Variants in PHLPP2 observed in about 807,000 individuals in gnomAD.
PHLPP2 encodes PH domain and leucine rich repeat protein phosphatase 2.
Under a neutral mutation model 124.9 loss-of-function variants are expected in PHLPP2, and 66 were observed. The ratio of observed to expected loss-of-function variants is 0.53; its 90% CI spans 0.43 to 0.65. PHLPP2 has a LOEUF of 0.65. Ranked by LOEUF, PHLPP2 falls within the 30% of genes least tolerant of loss-of-function variation. PHLPP2 has a pLI of 0.00. For missense variants in PHLPP2, 1,685 were observed against 1,600.4 expected, an observed-to-expected ratio of 1.05 and a Z score of -0.90; for synonymous variants, 681 against 624.7, an observed-to-expected ratio of 1.09 and a Z score of -1.34.
rs1352716187 is a variant in PHLPP2 at position 71,649,269 on chromosome 16, G to A, written c.3593C>T (p.Ala1198Val). The change falls in exon 19 of 19, where the codon GCT becomes GTT. Residue 1198 changes from alanine to valine, a missense_variant. Ala to Val is a moderately conservative substitution (Grantham distance 64). Transcript: ENST00000568954. The stretch of plus-strand genomic sequence containing the variant: ...TCGGATCCCAAAACACGACCCTCTA[G>A]CATGTTCCTCAGAACACAGGGTAGG... Reference protein sequence around the residue: ...SSPTLCSEEHARGSCFGIRRQ... With the variant: ...SSPTLCSEEHVRGSCFGIRRQ... 3 of 1,613,942 alleles carry A rather than the reference G, an allele frequency of 1.9e-6. No individual in the cohort carries two copies. The highest frequency in any genetic ancestry group is 3.3e-5 in the Admixed American group (2 of 60,010).
Position 71,658,328 on chromosome 16 carries a change from G to A in PHLPP2, c.2184C>T (p.Ile728=), listed in dbSNP as rs1567613349. ...TAGCAGGCAAAGCCTCTGGAATCAGGATTTCTGTCAAGTCGTTGCAACTTA... is the reference window on the plus strand; with the variant it reads ...TAGCAGGCAAAGCCTCTGGAATCAGAATTTCTGTCAAGTCGTTGCAACTTA... ...VDLSCNDLTE[I]LIPEALPATL... Residue 728 remains isoleucine (I), a synonymous_variant, in exon 15 of 19, where the codon ATC becomes ATT. Transcript: ENST00000568954. 6.2e-7 allele frequency: 1 copy of A among 1,613,778 alleles called. No homozygotes were observed. The highest frequency in any genetic ancestry group is 1.7e-5 in the Admixed American group (1 of 59,976).
intron 3 of PHLPP2, among the ~76,000 whole-genome samples, chr16:71,701,529 G>A (rs1056748803): frequency 1.3e-5 from 2 of 152,082 alleles, no homozygotes; most frequent in Non-Finnish European, 2.9e-5. Flanking sequence ...AGACTCTACT[G>A]GAAATATCCT....
At chr16:71,696,270 G>C (rs904991910) in intron 3 of PHLPP2, among the ~76,000 whole-genome samples, 39 of 152,050 alleles carry the variant, frequency 2.6e-4, no homozygotes, top group African/African-American at 9.4e-4. Context: ...AGGGAAATAA[G>C]TACTCTCAAA....
chr16:71,669,932 G>C (rs1045435043), intron 10 of PHLPP2, among the ~76,000 whole-genome samples: 1 of 152,110 alleles, frequency 6.6e-6, no homozygotes, highest in Admixed American at 6.5e-5. Flanking sequence ...TAGGCCTCAA[G>C]GTATCTACAG....
chr16:71,652,904 G>A lies in PHLPP2; in HGVS notation c.2703C>T (p.Cys901=), dbSNP rs202097941. Residue 901 remains cysteine, a synonymous_variant, in exon 18 of 19, where the codon TGC becomes TGT. Coordinates refer to ENST00000568954, the MANE Select transcript of PHLPP2 (RefSeq NM_015020.3). ...FSLTVANVGT[C]QAVLCRGGKP... ...TCCCACCTCGGCACAGGACTGCTTG[G>A]CACGTGCCAACATTGGCTACAGTCA... 6.2e-7 allele frequency: 1 copy of A among 1,613,938 alleles called. No individual in the cohort carries two copies. Among genetic ancestry groups the A allele is most frequent in the Admixed American group, 1.7e-5 (1 of 60,010 alleles).
intron 17 of PHLPP2, among the ~76,000 whole-genome samples, chr16:71,654,728 G>C (rs1173384842): frequency 6.6e-6 from 1 of 152,194 alleles, no homozygotes; most frequent in African/African-American, 2.4e-5. Context: ...ATGATGTCAG[G>C]CTTACATCCT....
rs554502564 is a variant in PHLPP2, at chr16:71,682,355, G to C, written c.736-450C>G. On this transcript the variant is annotated intron_variant, in intron 5 of 18. Coordinates refer to ENST00000568954, the MANE Select transcript of PHLPP2 (RefSeq NM_015020.3). ...GTGCCACCATGCCAGGCTAATTTTT[G>C]TATTTTTAGTAGAGACGGGGTTTCA... Among the ~76,000 whole-genome samples, 64 of 151,330 alleles carry C rather than the reference G, an allele frequency of 4.2e-4. 1 individual carries two copies. The highest frequency in any genetic ancestry group is 1.5e-3 in the African/African-American group (62 of 41,304).
At chr16:71,663,808 A>G (rs1298346719) in intron 13 of PHLPP2, 91 bp downstream of exon 13, 11 of 979,902 alleles carry the variant, frequency 1.1e-5, no homozygotes, top group Non-Finnish European at 1.8e-5. Context: ...GAACGTAAAC[A>G]AAGAGTCATA....
At chr16:71,711,403 G>A (rs1488519760) in intron 2 of PHLPP2, among the ~76,000 whole-genome samples, 2 of 152,006 alleles carry the variant, frequency 1.3e-5, no homozygotes, top group African/African-American at 4.8e-5. Flanking sequence ...AATATGATGT[G>A]AGCCCAAATA....
intron 13 of PHLPP2, among the ~76,000 whole-genome samples, chr16:71,659,203 G>C (rs1190313018): frequency 1.3e-5 from 2 of 151,164 alleles, no homozygotes; most frequent in African/African-American, 4.9e-5. Flanking sequence ...AATACCCTCA[G>C]CTGTAAAAAA....
chr16:71,656,734 A>C (rs1257679423), intron 15 of PHLPP2, 53 bp from the exon 16 acceptor site: 1 of 1,086,344 alleles, frequency 9.2e-7, no homozygotes, highest in East Asian at 2.4e-5. Context: ...TTTTACAAAA[A>C]CTATCCCAAC....
intron 2 of PHLPP2, among the ~76,000 whole-genome samples, chr16:71,709,984 G>A (rs2045313012): frequency 6.6e-6 from 1 of 152,082 alleles, no homozygotes; most frequent in South Asian, 2.1e-4. Context: ...TGGAACCACA[G>A]GTGTGCACCA....
chr16:71,651,755 C>A (rs1157218088), intron 18 of PHLPP2, among the ~76,000 whole-genome samples: 1 of 152,148 alleles, frequency 6.6e-6, no homozygotes, highest in Non-Finnish European at 1.5e-5. Context: ...ATACAGTCAA[C>A]TGATCTCTGA....
rs963471667 is a variant in PHLPP2 at position 71,647,424 on chromosome 16, T to A, written c.*1466A>T. 2 of 152,526 alleles carry A rather than the reference T, an allele frequency of 1.3e-5. No homozygotes were observed. Among genetic ancestry groups the A allele is most frequent in the Non-Finnish European group, 2.9e-5 (2 of 68,024 alleles). The allele number at this position is 152,526 out of a possible 1,614,324, so 9.4% of individuals were successfully genotyped here. ...AGTGAATATGCAGTTTTCAGAAGAG[T>A]ACACTGTTCAACATTCAAGAGGCGA... is the stretch of plus-strand genomic sequence containing the variant. On this transcript the variant is annotated 3_prime_UTR_variant, in exon 19 of 19. Transcript: ENST00000568954.
At chr16:71,709,674 G>C (rs2045310913) in intron 2 of PHLPP2, among the ~76,000 whole-genome samples, 2 of 152,108 alleles carry the variant, frequency 1.3e-5, no homozygotes, top group African/African-American at 2.4e-5. Flanking sequence ...TGAGAGACAA[G>C]ACCAATCTAT....
At chr16:71,658,475 G>A in intron 14 of PHLPP2, 112 bp from the exon 15 acceptor site, 11 of 1,209,962 alleles carry the variant, frequency 9.1e-6, no homozygotes, top group Non-Finnish European at 1.3e-5. Flanking sequence ...TTTCTTCCCA[G>A]GAATCCATTA....
intron 2 of PHLPP2, among the ~76,000 whole-genome samples, chr16:71,704,599 T>C (rs780035508): frequency 6.6e-6 from 1 of 151,810 alleles, no homozygotes; most frequent in South Asian, 2.1e-4. Flanking sequence ...TTCCAGAAAC[T>C]ATCACATAAA....
rs530563581 is a variant in PHLPP2, at chr16:71,714,949, T to C, written c.-6-148A>G. Reference sequence around the variant, plus strand: ...TTTGTGGAGCACTTCACATCTATCATGCTCATTCGTAATAACTCAGATAAC... The same window carrying C: ...TTTGTGGAGCACTTCACATCTATCACGCTCATTCGTAATAACTCAGATAAC... On this transcript the variant is annotated intron_variant, in intron 1 of 18. Coordinates refer to ENST00000568954, the MANE Select transcript of PHLPP2 (RefSeq NM_015020.3). 7.4e-6 allele frequency: 7 copies of C among 943,738 alleles called. No homozygotes were observed. In the Admixed American group the frequency reaches 1.2e-4, roughly 16 times the overall value. 58.5% of individuals were successfully genotyped at this position (943,738 alleles called of 1,614,324 possible). A position where few individuals can be genotyped will look rare whatever the true frequency, so the allele number is the denominator to read the frequency against.
chr16:71,708,509 T>C (rs933367843), intron 2 of PHLPP2, among the ~76,000 whole-genome samples: 1 of 152,218 alleles, frequency 6.6e-6, no homozygotes, highest in African/African-American at 2.4e-5. Context: ...TGCACCCATG[T>C]GATTAAAAAG....
Sources: gnomAD v4.1 joint callset for allele counts (sites outside exome capture counted in the v4.1 genomes callset) on GRCh38, gnomAD v4.1.1 for gene constraint, MANE v1.5 for transcripts, NCBI Gene and HGNC (gene_info 2026-07-23, HGNC 2026-07-21) for gene names.